NELL1: variants seen among roughly 807,000 people sequenced by gnomAD.
NELL1 encodes protein kinase C-binding protein NELL1.
In NELL1, 76 loss-of-function variants were observed where a neutral mutation model predicts 107.4. The ratio of observed to expected loss-of-function variants is 0.71; its 90% CI spans 0.59 to 0.86. NELL1 has a LOEUF of 0.86. Among genes scored for constraint, NELL1 ranks in the 40% least tolerant of loss-of-function variants. The probability of loss-of-function intolerance (pLI) is 0.00; values close to 1 mark genes in which losing one functional copy is unlikely to be tolerated. For synonymous variants in NELL1, 353 were observed against 341.2 expected (o/e 1.03, Z -0.38); for missense variants, 1,024 against 1,005.5 (o/e 1.02, Z -0.25).
At chr11:21,463,483 T>C (rs1276539656) in intron 15 of NELL1, among the ~76,000 whole-genome samples, 1 of 152,140 alleles carries the variant, frequency 6.6e-6, no homozygotes, top group Non-Finnish European at 1.5e-5. Context: ...GTATATTTGC[T>C]GTTCTTCAGG....
At chr11:21,272,131 G>A (rs1040717400) in intron 14 of NELL1, among the ~76,000 whole-genome samples, 3 of 152,222 alleles carry the variant, frequency 2.0e-5, no homozygotes, top group Non-Finnish European at 4.4e-5. Flanking sequence ...AGCGCAAGGG[G>A]TCAGGGAATT....
At chr11:21,300,696 G>A (rs1849473498) in intron 14 of NELL1, among the ~76,000 whole-genome samples, 2 of 151,956 alleles carry the variant, frequency 1.3e-5, no homozygotes, top group Admixed American at 6.6e-5. Flanking sequence ...TGCAGTTCAG[G>A]TTGGACTACT....
chr11:21,393,835 G>A (rs185181250), intron 15 of NELL1, among the ~76,000 whole-genome samples: 66 of 151,760 alleles, frequency 4.3e-4, no homozygotes, highest in African/African-American at 1.2e-3. Flanking sequence ...TAGTGTTAAC[G>A]TGCTAGGTGG....
intron 4 of NELL1, among the ~76,000 whole-genome samples, chr11:20,884,289 C>T (rs1183660733): frequency 6.6e-6 from 1 of 152,208 alleles, no homozygotes; most frequent in Non-Finnish European, 1.5e-5. Flanking sequence ...TGAGAACCAC[C>T]GGAGGAATAC....
At chr11:20,869,870 A>G (rs1328505834) in intron 4 of NELL1, among the ~76,000 whole-genome samples, 2 of 152,178 alleles carry the variant, frequency 1.3e-5, no homozygotes, top group African/African-American at 4.8e-5. Flanking sequence ...CTTTTGTGTT[A>G]GTTAGGATGC....
intron 15 of NELL1, among the ~76,000 whole-genome samples, chr11:21,479,527 T>C (rs1278310745): frequency 6.6e-6 from 1 of 152,102 alleles, no homozygotes; most frequent in Non-Finnish European, 1.5e-5. Context: ...GAAGGATGGT[T>C]ACCAGGGGCT....
At chr11:21,186,553 C>A (rs946717416) in intron 13 of NELL1, among the ~76,000 whole-genome samples, 2 of 151,872 alleles carry the variant, frequency 1.3e-5, no homozygotes, top group Non-Finnish European at 2.9e-5. Context: ...CTCTCCAAGG[C>A]TTGTTAAGCC....
At chr11:20,747,306 A>T (rs1341171780) in intron 2 of NELL1, among the ~76,000 whole-genome samples, 3 of 152,230 alleles carry the variant, frequency 2.0e-5, no homozygotes, top group Non-Finnish European at 4.4e-5. Context: ...TGAAATATGC[A>T]TCTAAACATG....
intron 17 of NELL1, among the ~76,000 whole-genome samples, chr11:21,563,154 T>A (rs1198121196): frequency 1.3e-5 from 2 of 152,078 alleles, no homozygotes; most frequent in African/African-American, 2.4e-5. Flanking sequence ...CTCTCTGGGA[T>A]TGATCCATAA....
chr11:20,714,515 G>GT (rs1168449382), intron 2 of NELL1, among the ~76,000 whole-genome samples: 1 of 93,212 alleles, frequency 1.1e-5, no homozygotes, highest in Non-Finnish European at 2.2e-5. Flanking sequence ...GCCCTGATGT[G>GT]TTTTTTTATT....
intron 14 of NELL1, among the ~76,000 whole-genome samples, chr11:21,286,722 C>T (rs1393349652): frequency 6.6e-6 from 1 of 152,228 alleles, no homozygotes. Context: ...GCTGCAGTGA[C>T]ACCTAGTACA....
chr11:21,066,309 C>A (rs775581430), intron 12 of NELL1, among the ~76,000 whole-genome samples: 21 of 152,204 alleles, frequency 1.4e-4, no homozygotes, highest in Non-Finnish European at 2.8e-4. Context: ...ACGTGATCAT[C>A]TCACACTTTG....
At chr11:21,149,817 C>A (rs143704022) in intron 13 of NELL1, among the ~76,000 whole-genome samples, 7 of 152,194 alleles carry the variant, frequency 4.6e-5, no homozygotes, top group African/African-American at 1.4e-4. Flanking sequence ...AACAGGTTTT[C>A]TTGTTTACTG....
intron 4 of NELL1, among the ~76,000 whole-genome samples, chr11:20,859,774 T>C (rs1050949322): frequency 6.8e-6 from 1 of 147,754 alleles, no homozygotes; most frequent in South Asian, 2.3e-4. Context: ...AGATATGTAC[T>C]AGAGCCTGCA....
At chr11:21,136,996 C>G (rs930543914) in intron 13 of NELL1, among the ~76,000 whole-genome samples, 2 of 152,198 alleles carry the variant, frequency 1.3e-5, no homozygotes, top group Non-Finnish European at 2.9e-5. Context: ...AGACCAATTA[C>G]TGTTATGGAA....
intron 15 of NELL1, among the ~76,000 whole-genome samples, chr11:21,483,646 G>A (rs1417613602): frequency 6.6e-6 from 1 of 151,628 alleles, no homozygotes; most frequent in South Asian, 2.1e-4. Context: ...ATTTAAAGAG[G>A]ATGCCTAGAA....
chr11:20,884,795 G>A (rs1325187088), intron 4 of NELL1, among the ~76,000 whole-genome samples: 2 of 152,208 alleles, frequency 1.3e-5, no homozygotes, highest in African/African-American at 4.8e-5. Flanking sequence ...GACCTTGTGT[G>A]TCTGGTTTCT....
chr11:20,795,855 C>T (rs527505067), intron 3 of NELL1, among the ~76,000 whole-genome samples: 62 of 152,166 alleles, frequency 4.1e-4, no homozygotes, highest in African/African-American at 1.5e-3. Flanking sequence ...GTGGAAATAA[C>T]TTTCTACTGT....
At chr11:21,172,922 CTG>C (rs151155423) in intron 13 of NELL1, among the ~76,000 whole-genome samples, 62 of 149,064 alleles carry the variant, frequency 4.2e-4, no homozygotes, top group African/African-American at 1.4e-3. Context: ...GTGTGTCTGT[CTG>C]TGTGTGTGTG....
Sources: allele counts gnomAD v4.1 joint callset (sites outside exome capture counted in the v4.1 genomes callset), GRCh38; gene constraint gnomAD v4.1.1; transcripts MANE v1.5; gene names NCBI Gene and HGNC (gene_info 2026-07-23, HGNC 2026-07-21).